Variants in CNTN6 observed in about 807,000 individuals in gnomAD.
CNTN6 encodes the protein contactin 6, also known as contactin-6.
CNTN6 carries 137 observed loss-of-function variants against 122.8 expected under a neutral mutation model. That is an observed-to-expected ratio of 1.12 (90% CI 0.97 to 1.29). CNTN6 has a LOEUF of 1.29. CNTN6 is among the 50% of genes most tolerant of loss of function. The pLI is 0.00. For synonymous variants in CNTN6, 570 were observed against 426.0 expected (o/e 1.34, Z -4.16); for missense variants, 1,634 against 1,223.4 (o/e 1.34, Z -5.01).
intron 1 of CNTN6, among the ~76,000 whole-genome samples, chr3:1,110,017 G>A (rs1457120625): frequency 6.6e-6 from 1 of 152,028 alleles, no homozygotes; most frequent in Admixed American, 6.6e-5. Flanking sequence ...AGTTAGTGGA[G>A]CATTTATTTA....
In CNTN6 at chr3:1,331,840, A is replaced by G. The variant is rs371307042; in HGVS notation, c.1364+1905A>G. 3.0e-3 allele frequency among the ~76,000 whole-genome samples: 448 copies of G among 150,790 alleles called. 1 individual carries two copies. Among genetic ancestry groups the G allele is most frequent in the African/African-American group, 9.7e-3 (396 of 40,852 alleles). On this transcript the variant is annotated intron_variant, in intron 11 of 22. Transcript: ENST00000446702. ...TAAAGCTAAGATAATGAGAGAGAGA[A>G]AAAAAAAAGCTAAGATAATAAGAAA...
chr3:1,259,941 GAT>G (rs1343499930), intron 4 of CNTN6, among the ~76,000 whole-genome samples: 1 of 152,042 alleles, frequency 6.6e-6, no homozygotes, highest in Non-Finnish European at 1.5e-5. Context: ...GTGTTTAAAT[GAT>G]ATGTTAAAAC....
chr3:1,383,358 T>C lies in CNTN6; in HGVS notation c.2467T>C (p.Trp823Arg). Reference protein sequence around the residue: ...SFSASEMEVSWNAIAWNRNTG... With the variant: ...SFSASEMEVSRNAIAWNRNTG... Reference sequence around the variant, plus strand: ...TTCTGCTTCTGAAATGGAGGTTTCATGGAATGCTATTGCCTGGAATAGAAA... The same window carrying C: ...TTCTGCTTCTGAAATGGAGGTTTCACGGAATGCTATTGCCTGGAATAGAAA... The change falls in exon 19 of 23, where the codon TGG becomes CGG. Residue 823 changes from tryptophan (W) to arginine (R), a missense_variant. By Grantham distance (101) the Trp-to-Arg change is moderately radical (BLOSUM62 -3). Transcript: ENST00000446702. 6.2e-7 allele frequency: 1 copy of C among 1,614,016 alleles called. No homozygotes were observed. The highest frequency in any genetic ancestry group is 8.5e-7 in the Non-Finnish European group (1 of 1,179,900).
chr3:1,265,286 C>T (rs1002631804), intron 4 of CNTN6, among the ~76,000 whole-genome samples: 4 of 152,128 alleles, frequency 2.6e-5, no homozygotes, highest in African/African-American at 9.7e-5. Flanking sequence ...CTCTCTGCCT[C>T]TTCACCTCTA....
At chr3:1,104,495 T>C (rs2091121124) in intron 1 of CNTN6, among the ~76,000 whole-genome samples, 1 of 152,168 alleles carries the variant, frequency 6.6e-6, no homozygotes, top group Non-Finnish European at 1.5e-5. Context: ...ATAGTACCAG[T>C]GGATTTACTA....
chr3:1,269,532 T>A (rs151291312), intron 4 of CNTN6, among the ~76,000 whole-genome samples: 29 of 152,310 alleles, frequency 1.9e-4, no homozygotes, highest in Non-Finnish European at 3.7e-4. Context: ...CGAGTTTGAG[T>A]CTAGCCCACA....
At chr3:1,158,649 T>C (rs1209176845) in intron 2 of CNTN6, among the ~76,000 whole-genome samples, 2 of 151,572 alleles carry the variant, frequency 1.3e-5, no homozygotes, top group Non-Finnish European at 2.9e-5. Context: ...CATAGCTCAC[T>C]GCACCCTCAA....
At chr3:1,190,999 A>G (rs924900931) in intron 2 of CNTN6, among the ~76,000 whole-genome samples, 1 of 152,218 alleles carries the variant, frequency 6.6e-6, no homozygotes, top group Non-Finnish European at 1.5e-5. Flanking sequence ...TGTTGAAAGT[A>G]TTGACATGTA....
chr3:1,285,835 A>T (rs982730143), intron 5 of CNTN6, among the ~76,000 whole-genome samples: 10 of 152,172 alleles, frequency 6.6e-5, no homozygotes, highest in African/African-American at 2.4e-4. Flanking sequence ...ATACAAGGAG[A>T]TAACAAGAGT....
chr3:1,351,845 C>T (rs954347584), intron 11 of CNTN6, among the ~76,000 whole-genome samples: 7 of 151,942 alleles, frequency 4.6e-5, no homozygotes, highest in African/African-American at 1.7e-4. Flanking sequence ...CTGGCAAATA[C>T]TGTCGTGGTT....
intron 4 of CNTN6, 81 bp from the exon 5 acceptor site, chr3:1,278,332 A>G: frequency 9.7e-7 from 1 of 1,033,522 alleles, no homozygotes; most frequent in Non-Finnish European, 1.4e-6. Flanking sequence ...CTTAATAATA[A>G]AAACATTCTT....
At chr3:1,245,233 T>C (rs1432270785) in intron 4 of CNTN6, among the ~76,000 whole-genome samples, 6 of 9,014 alleles carry the variant, frequency 6.7e-4, no homozygotes, top group African/African-American at 3.5e-3. Flanking sequence ...TATATATATA[T>C]ATACACACAC....
Position 1,207,705 on chromosome 3 carries a change from G to A in CNTN6, c.56-12982G>A, listed in dbSNP as rs181071584. 3.3e-5 allele frequency among the ~76,000 whole-genome samples: 5 copies of A among 151,032 alleles called. No individual in the cohort carries two copies. In the East Asian group the frequency reaches 5.8e-4, roughly 18 times the overall value. ...ATACAAACGCTGTCACAGACTCAAA[G>A]TTATCTGTTTTGTTCATTGCTGTAT... On this transcript the variant is annotated intron_variant, in intron 2 of 22. Transcript: ENST00000446702.
intron 8 of CNTN6, among the ~76,000 whole-genome samples, chr3:1,324,530 G>T (rs1211469824): frequency 2.7e-5 from 4 of 149,598 alleles, no homozygotes; most frequent in Non-Finnish European, 4.4e-5. Context: ...TGCCCAGTTT[G>T]GATGTGCCAG....
At chr3:1,177,535 C>T (rs2093473376) in intron 2 of CNTN6, among the ~76,000 whole-genome samples, 1 of 152,054 alleles carries the variant, frequency 6.6e-6, no homozygotes, top group African/African-American at 2.4e-5. Context: ...CTTTTTTCTG[C>T]CTGAAGAAAT....
chr3:1,249,418 A>G (rs920062853), intron 4 of CNTN6, among the ~76,000 whole-genome samples: 8 of 152,322 alleles, frequency 5.3e-5, no homozygotes, highest in African/African-American at 1.9e-4. Context: ...TTTTTAAAAA[A>G]GGAATTATAT....
At chr3:1,300,507 G>GAA (rs1553668802) in intron 7 of CNTN6, among the ~76,000 whole-genome samples, 4,264 of 134,358 alleles carry the variant, frequency 0.032, 314 homozygotes, top group African/African-American at 0.12. Context: ...AGAAAAGAAA[G>GAA]AGAAAGAAAG....
chr3:1,382,762 T>TTAAC (rs1418051826), intron 17 of CNTN6, among the ~76,000 whole-genome samples, 180 bp from the exon 18 acceptor site: 28 of 152,212 alleles, frequency 1.8e-4, no homozygotes, highest in Non-Finnish European at 3.1e-4. Context: ...CTGAGTATCT[T>TTAAC]TAACTGGGAT....
At chr3:1,242,416 G>A (rs2094498074) in intron 4 of CNTN6, among the ~76,000 whole-genome samples, 1 of 152,152 alleles carries the variant, frequency 6.6e-6, no homozygotes, top group Non-Finnish European at 1.5e-5. Context: ...GAACTAATCT[G>A]TAAGACTTGT....
Sources: gnomAD v4.1 joint callset for allele counts (sites outside exome capture counted in the v4.1 genomes callset) on GRCh38, gnomAD v4.1.1 for gene constraint, MANE v1.5 for transcripts, NCBI Gene and HGNC (gene_info 2026-07-23, HGNC 2026-07-21) for gene names.